The following MGLL variants were observed in gnomAD, a reference collection of about 807,000 sequenced individuals.
The protein encoded by MGLL is lysophospholipase homolog.
MGLL carries 7 observed loss-of-function variants against 29.1 expected under a neutral mutation model. That is an observed-to-expected ratio of 0.24 (90% CI 0.14 to 0.45). The LOEUF is 0.45. Among genes scored for constraint, MGLL ranks in the 20% least tolerant of loss-of-function variants. The pLI, the probability that MGLL is intolerant of heterozygous loss-of-function variation, is 0.99. For missense variants in MGLL, 356 were observed against 413.6 expected (o/e 0.86, Z 1.21); for synonymous variants, 148 against 168.3 (o/e 0.88, Z 0.93).
intron 3 of MGLL, among the ~76,000 whole-genome samples, chr3:127,730,851 C>T (rs1327210209): frequency 6.6e-6 from 1 of 152,118 alleles, no homozygotes; most frequent in Non-Finnish European, 1.5e-5. Context: ...CCTGAGTGAA[C>T]GATGATGTTT....
At chr3:127,735,667 C>T in intron 3 of MGLL, 1 of 1,576,028 alleles carries the variant, frequency 6.3e-7, no homozygotes, top group Non-Finnish European at 8.6e-7. Context: ...GTCTACTCAT[C>T]AAGTTGTTGG....
chr3:127,696,302 C>T (rs2075360660), intron 6 of MGLL, among the ~76,000 whole-genome samples: 1 of 146,930 alleles, frequency 6.8e-6, no homozygotes, highest in Non-Finnish European at 1.5e-5. Flanking sequence ...GGCTCCACTG[C>T]CCTGATCTCT....
At chr3:127,742,966 C>A (rs976708125) in intron 3 of MGLL, among the ~76,000 whole-genome samples, 1 of 152,228 alleles carries the variant, frequency 6.6e-6, no homozygotes, top group Non-Finnish European at 1.5e-5. Context: ...AGGTGCCCAC[C>A]ACCATGCCCG....
At chr3:127,713,060 T>C (rs2107610357) in intron 5 of MGLL, 1 of 152,324 alleles carries the variant, frequency 6.6e-6, no homozygotes, top group East Asian at 1.9e-4. Flanking sequence ...GCCTTAGCGC[T>C]CTCCTCCAGC....
chr3:127,717,287 G>A (rs759645565), intron 5 of MGLL, among the ~76,000 whole-genome samples: 1 of 152,186 alleles, frequency 6.6e-6, no homozygotes, highest in Non-Finnish European at 1.5e-5. Flanking sequence ...AAAAACAGAT[G>A]AGTGACATTC....
intron 5 of MGLL, 101 bp downstream of exon 5, chr3:127,720,952 A>G (rs2075906647): frequency 1.0e-6 from 1 of 998,960 alleles, no homozygotes; most frequent in Non-Finnish European, 1.6e-6. Context: ...TCTGAGGTCC[A>G]AGGATGGCCT....
At chr3:127,816,351 C>G (rs1466170874) in intron 2 of MGLL, among the ~76,000 whole-genome samples, 1 of 152,192 alleles carries the variant, frequency 6.6e-6, no homozygotes, top group Non-Finnish European at 1.5e-5. Context: ...CAACAGCCGG[C>G]TGACAACCTG....
rs201635673 is a variant in MGLL, at chr3:127,692,250, T to A, written c.890A>T (p.Asn297Ile). 4.2e-4 allele frequency: 678 copies of A among 1,614,012 alleles called. No individual in the cohort carries two copies. Among genetic ancestry groups the A allele is most frequent in the Non-Finnish European group, 5.6e-4 (662 of 1,179,980 alleles). The change falls in exon 8 of 8, where the codon AAC (asparagine) becomes ATC (isoleucine). Residue 297 changes from asparagine to isoleucine, a missense_variant. Transcript: ENST00000265052. ...GGCTGTCCTTTGAGAGACCCACATG[T>A]TTATTTCATGGAAGACGGAGTTGGT... ...EVTNSVFHEI[N>I]MWVSQRTATA... is the part of the protein sequence containing the mutation.
chr3:127,703,249 G>GA (rs2075534090), intron 6 of MGLL, among the ~76,000 whole-genome samples: 1 of 152,208 alleles, frequency 6.6e-6, no homozygotes, highest in Non-Finnish European at 1.5e-5. Flanking sequence ...CAAGGGAAAG[G>GA]AAAAAGCAGC....
At chr3:127,749,666 A>C (rs370484732) in intron 3 of MGLL, among the ~76,000 whole-genome samples, 47 of 152,144 alleles carry the variant, frequency 3.1e-4, no homozygotes, top group African/African-American at 1.0e-3. Flanking sequence ...CCTTATACAC[A>C]CCCCTCATGA....
At chr3:127,775,393 T>G (rs693742) in intron 3 of MGLL, among the ~76,000 whole-genome samples, 1 of 152,186 alleles carries the variant, frequency 6.6e-6, no homozygotes, top group Admixed American at 6.5e-5. Context: ...TATTTTAGAA[T>G]ACTTCCAGCA....
At chr3:127,740,660 A>G (rs1208652859) in intron 3 of MGLL, among the ~76,000 whole-genome samples, 1 of 152,100 alleles carries the variant, frequency 6.6e-6, no homozygotes, top group African/African-American at 2.4e-5. Flanking sequence ...CGTAAACTTC[A>G]GGATGAAAAT....
At chr3:127,750,866 CCA>C (rs1253227280) in intron 3 of MGLL, among the ~76,000 whole-genome samples, 1 of 152,164 alleles carries the variant, frequency 6.6e-6, no homozygotes, top group Non-Finnish European at 1.5e-5. Flanking sequence ...CTGAATCAGC[CCA>C]CAGTCATATC....
intron 3 of MGLL, among the ~76,000 whole-genome samples, chr3:127,731,017 G>T (rs2076141237): frequency 6.6e-6 from 1 of 152,208 alleles, no homozygotes; most frequent in African/African-American, 2.4e-5. Context: ...CTGTTGAAAT[G>T]AATTGTAGGC....
intron 5 of MGLL, chr3:127,711,089 G>A (rs1019654463): frequency 5.6e-5 from 15 of 268,770 alleles, no homozygotes; most frequent in Admixed American, 8.5e-5. Context: ...AGGGCAGTGC[G>A]GAAGGGCCCA....
At chr3:127,790,129 CT>C (rs2077276136) in intron 2 of MGLL, among the ~76,000 whole-genome samples, 1 of 152,212 alleles carries the variant, frequency 6.6e-6, no homozygotes, top group East Asian at 1.9e-4. Flanking sequence ...GGATCTGCCC[CT>C]GACTGGCTGC....
At chr3:127,794,299 G>A (rs556804756) in intron 2 of MGLL, among the ~76,000 whole-genome samples, 4 of 152,236 alleles carry the variant, frequency 2.6e-5, no homozygotes, top group Non-Finnish European at 5.9e-5. Flanking sequence ...ACATAAATTA[G>A]CTGGGCATGG....
intron 2 of MGLL, among the ~76,000 whole-genome samples, chr3:127,800,046 G>C (rs1318177774): frequency 1.3e-5 from 2 of 152,184 alleles, no homozygotes; most frequent in Admixed American, 6.5e-5. Flanking sequence ...TAGAAGTGAC[G>C]TATGCAATTT....
intron 4 of MGLL, among the ~76,000 whole-genome samples, chr3:127,722,020 C>A (rs963260172): frequency 6.6e-6 from 1 of 152,204 alleles, no homozygotes; most frequent in East Asian, 1.9e-4. Context: ...TCCATGTGGA[C>A]CCTCTGTCCC....
Sources: allele counts gnomAD v4.1 joint callset (sites outside exome capture counted in the v4.1 genomes callset), GRCh38; gene constraint gnomAD v4.1.1; transcripts MANE v1.5; gene names NCBI Gene and HGNC (gene_info 2026-07-23, HGNC 2026-07-21).